Variants in PRDM10 observed in about 807,000 individuals in gnomAD.
The protein encoded by PRDM10 is PR domain zinc finger protein 10.
Under a neutral mutation model 133.1 loss-of-function variants are expected in PRDM10, and 65 were observed. That is an observed-to-expected ratio of 0.49 (90% CI 0.40 to 0.60). PRDM10 has a LOEUF of 0.60. Ranked by LOEUF, PRDM10 falls within the 20% of genes least tolerant of loss-of-function variation. PRDM10 has a pLI of 0.00. For missense variants in PRDM10, 1,137 were observed against 1,507.1 expected (o/e 0.75, Z 4.07); for synonymous variants, 582 against 580.4 (o/e 1.00, Z -0.04).
chr11:129,998,822 T>G (rs1217919611), intron 1 of PRDM10, among the ~76,000 whole-genome samples: 2 of 149,540 alleles, frequency 1.3e-5, no homozygotes, highest in African/African-American at 4.9e-5. Flanking sequence ...GTAATAACTT[T>G]TTTTTTTTTT....
chr11:129,947,726 A>C lies in PRDM10; in HGVS notation c.295-356T>G, dbSNP rs1951466111. On this transcript the variant is annotated intron_variant, in intron 4 of 20. Transcript: ENST00000360871. This position sits in a 1 kb window ranked among gnomAD's most constrained non-coding sequence, Gnocchi z 4.6. Reference sequence around the variant, plus strand: ...TGACCCCACCCCTAAAACTTAATAAAACCTGGTCTCTTCCTGGCTCATTCA... The same window carrying C: ...TGACCCCACCCCTAAAACTTAATAACACCTGGTCTCTTCCTGGCTCATTCA... The C allele has an allele frequency of 4.6e-6, 2 of 430,230 alleles. No homozygotes were observed. The highest frequency in any genetic ancestry group is 8.4e-6 in the Non-Finnish European group (2 of 238,012). 26.7% of individuals were successfully genotyped at this position (430,230 alleles called of 1,614,324 possible). A position where few individuals can be genotyped will look rare whatever the true frequency, so the allele number is the denominator to read the frequency against.
At chr11:129,954,703 T>C (rs1327654267) in intron 4 of PRDM10, among the ~76,000 whole-genome samples, 2 of 152,150 alleles carry the variant, frequency 1.3e-5, no homozygotes, top group Non-Finnish European at 1.5e-5. Flanking sequence ...GACAGGGCCT[T>C]ACTCTGCCAC....
At chr11:129,965,331 T>G (rs1278477229) in intron 1 of PRDM10, among the ~76,000 whole-genome samples, 1 of 152,218 alleles carries the variant, frequency 6.6e-6, no homozygotes, top group East Asian at 1.9e-4. Context: ...GTCATATTGA[T>G]TTTCCTTTAT....
intron 20 of PRDM10, 84 bp from the exon 21 acceptor site, chr11:129,902,600 A>C (rs1949876947): frequency 6.6e-7 from 1 of 1,507,374 alleles, no homozygotes; most frequent in Admixed American, 2.2e-5. Flanking sequence ...AGATGTGAAG[A>C]AATGTCACAA....
intron 11 of PRDM10, among the ~76,000 whole-genome samples, chr11:129,926,948 A>G (rs985725043): frequency 6.6e-6 from 1 of 152,210 alleles, no homozygotes; most frequent in South Asian, 2.1e-4. Flanking sequence ...GCCCATGCCT[A>G]TAATCCCAGC....
chr11:129,929,832 T>C (rs1171505001), intron 11 of PRDM10, among the ~76,000 whole-genome samples: 1 of 149,592 alleles, frequency 6.7e-6, no homozygotes, highest in Non-Finnish European at 1.5e-5. Context: ...GCAGAAAATA[T>C]AGTAATTGAG....
chr11:130,002,066 G>C (rs1939428892), intron 1 of PRDM10, among the ~76,000 whole-genome samples: 1 of 151,214 alleles, frequency 6.6e-6, no homozygotes, highest in Non-Finnish European at 1.5e-5. Context: ...GCGCCCCATC[G>C]AACAGGACCC....
At position 129,925,133 on chromosome 11, in the gene PRDM10, G is replaced by C; in HGVS notation, c.1627C>G (p.Gln543Glu). The C allele has an allele frequency of 6.2e-7, 1 of 1,614,172 alleles. No individual in the cohort carries two copies. The highest frequency in any genetic ancestry group is 8.5e-7 in the Non-Finnish European group (1 of 1,180,038). ...TCCCGCCCATGGAAGCGTAAGTGCT[G>C]GTCCAGTTTGTCCTTTTCCCGGAAG... ...KAFREKDKLD[Q>E]HLRFHGREGN... Residue 543 changes from glutamine to glutamate, a missense_variant, in exon 12 of 21, where the codon CAG becomes GAG. Coordinates refer to ENST00000360871, the MANE Select transcript of PRDM10 (RefSeq NM_199437.2).
chr11:129,946,604 G>A (rs982013157), intron 5 of PRDM10, among the ~76,000 whole-genome samples: 2 of 152,198 alleles, frequency 1.3e-5, no homozygotes, highest in African/African-American at 4.8e-5. Context: ...GGGCCAGACT[G>A]CCTGAACTGG....
chr11:129,993,314 C>T (rs1302518035), intron 1 of PRDM10, among the ~76,000 whole-genome samples: 1 of 152,136 alleles, frequency 6.6e-6, no homozygotes, highest in African/African-American at 2.4e-5. Context: ...TTTCTCTATA[C>T]TAAGGTCATG....
chr11:129,908,388 C>A (rs1432710236), intron 19 of PRDM10, among the ~76,000 whole-genome samples: 1 of 78,548 alleles, frequency 1.3e-5, no homozygotes, highest in East Asian at 3.7e-4. Context: ...GTGGGTGGAT[C>A]ACTTGAGTCC....
intron 1 of PRDM10, among the ~76,000 whole-genome samples, chr11:129,985,557 C>T (rs755133456): frequency 6.6e-6 from 1 of 151,408 alleles, no homozygotes; most frequent in Admixed American, 6.6e-5. Flanking sequence ...TTTGGGAGGC[C>T]GAAGTGGGAG....
At chr11:130,002,005 GC>G (rs1000324506) in intron 1 of PRDM10, among the ~76,000 whole-genome samples, 1 of 151,504 alleles carries the variant, frequency 6.6e-6, no homozygotes, top group Non-Finnish European at 1.5e-5. Flanking sequence ...CAGGCCGGGG[GC>G]CCAGCCATCG....
At chr11:129,978,518 TC>T (rs1415695901) in intron 1 of PRDM10, among the ~76,000 whole-genome samples, 2 of 152,176 alleles carry the variant, frequency 1.3e-5, no homozygotes, top group Non-Finnish European at 2.9e-5. Context: ...AACTAAGGTT[TC>T]AAGGCTTCAA....
At chr11:129,963,827 C>T (rs1010491722) in intron 1 of PRDM10, among the ~76,000 whole-genome samples, 7 of 152,168 alleles carry the variant, frequency 4.6e-5, no homozygotes, top group Non-Finnish European at 8.8e-5. Context: ...GTTTTGTCAA[C>T]TCTAATGAAT....
At chr11:129,944,335 C>T (rs1040949561) in intron 6 of PRDM10, among the ~76,000 whole-genome samples, 5 of 152,176 alleles carry the variant, frequency 3.3e-5, no homozygotes, top group Admixed American at 6.5e-5. Flanking sequence ...TGGCTCACGC[C>T]TGTAATCCCA....
At position 129,918,113 on chromosome 11, in the gene PRDM10, A is replaced by G. The variant is rs1398987892; in HGVS notation, c.2214+426T>C. Among the ~76,000 whole-genome samples, 1 of 152,122 alleles carries G rather than the reference A, an allele frequency of 6.6e-6. No homozygotes were observed. The highest frequency in any genetic ancestry group is 2.4e-5 in the African/African-American group (1 of 41,420). ...GCCATTTCACTCCAGCCTGGGCAAC[A>G]GGAGCGAAATTCTGTCTCAAAAATA... On this transcript the variant is annotated intron_variant, in intron 14 of 20. Coordinates refer to ENST00000360871, the MANE Select transcript of PRDM10 (RefSeq NM_199437.2). This position sits in a 1 kb window ranked among gnomAD's most constrained non-coding sequence, Gnocchi z 5.3.
rs144419090 is a variant in PRDM10, at chr11:129,924,137, T to C, written c.1879-734A>G. The stretch of plus-strand genomic sequence containing the variant: ...TATAAGATAGTTTGCTTCATTATTT[T>C]TGGAGTTTCTTTTGCCATTAAATTA... On this transcript the variant is annotated intron_variant, in intron 12 of 20. Coordinates refer to ENST00000360871, the MANE Select transcript of PRDM10 (RefSeq NM_199437.2). Among the ~76,000 whole-genome samples the C allele has an allele frequency of 7.3e-3, 1,119 of 152,378 alleles. 3 individuals are homozygous for C. The highest frequency in any genetic ancestry group is 0.012 in the Non-Finnish European group (786 of 68,042).
intron 1 of PRDM10, among the ~76,000 whole-genome samples, chr11:129,966,870 T>C (rs930960780): frequency 6.6e-6 from 1 of 152,132 alleles, no homozygotes; most frequent in Non-Finnish European, 1.5e-5. Flanking sequence ...CTTGGTGGCA[T>C]AGAGAATGAT....
Sources: gnomAD v4.1 joint callset for allele counts (sites outside exome capture counted in the v4.1 genomes callset) on GRCh38, gnomAD v4.1.1 for gene constraint, Gnocchi (gnomAD v3.1) non-coding constraint, MANE v1.5 for transcripts, NCBI Gene and HGNC (gene_info 2026-07-23, HGNC 2026-07-21) for gene names.